PRR23E: variants seen among roughly 807,000 people sequenced by gnomAD.
PRR23E encodes PRR23 family member E.
At chr3:127,193,536 A>G in the PRR23E span, among the ~76,000 whole-genome samples, 1 of 151,832 alleles carries the variant, frequency 6.6e-6, no homozygotes, top group African/African-American at 2.4e-5. Flanking sequence ...AGCCAAGCCC[A>G]GGACCCTCCT....
the PRR23E span, chr3:127,193,382 A>G: frequency 6.6e-6 from 1 of 151,404 alleles, no homozygotes; most frequent in African/African-American, 2.4e-5. Flanking sequence ...CTCCCACCCA[A>G]CTCCTGGCAT....
chr3:127,196,159 G>A, the PRR23E span, among the ~76,000 whole-genome samples: 2 of 152,160 alleles, frequency 1.3e-5, no homozygotes, highest in Non-Finnish European at 2.9e-5. Flanking sequence ...GAAGTGCTCC[G>A]GGACCTGTCT....
the PRR23E span, chr3:127,198,176 A>G: frequency 6.0e-5 from 9 of 150,880 alleles, no homozygotes; most frequent in African/African-American, 2.0e-4. Context: ...AAATGATACT[A>G]TGCTATAAAT....
At chr3:127,197,273 T>G in the PRR23E span, 2 of 1,599,320 alleles carry the variant, frequency 1.3e-6, no homozygotes, top group African/African-American at 1.3e-5. Context: ...GGTTCGGTAT[T>G]TGGGCACCTT....
chr3:127,195,335 G>A, the PRR23E span, among the ~76,000 whole-genome samples: 1 of 152,076 alleles, frequency 6.6e-6, no homozygotes, highest in East Asian at 1.9e-4. Flanking sequence ...CTGATCTAGA[G>A]AGGCTCCTGA....
the PRR23E span, among the ~76,000 whole-genome samples, chr3:127,195,905 G>GA: frequency 6.6e-6 from 1 of 152,136 alleles, no homozygotes; most frequent in Non-Finnish European, 1.5e-5. Context: ...TCGTTTTGGG[G>GA]AAAAACACCT....
the PRR23E span, among the ~76,000 whole-genome samples, chr3:127,193,986 G>A: frequency 6.6e-6 from 1 of 152,222 alleles, no homozygotes; most frequent in African/African-American, 2.4e-5. Context: ...AGCAAGAGCT[G>A]TCTGTATCTG....
At chr3:127,198,011 G>T in the PRR23E span, 2 of 152,236 alleles carry the variant, frequency 1.3e-5, no homozygotes. Flanking sequence ...GTTTGTTCCA[G>T]TGGACACAGA....
At chr3:127,193,952 G>A in the PRR23E span, among the ~76,000 whole-genome samples, 1 of 152,206 alleles carries the variant, frequency 6.6e-6, no homozygotes, top group Non-Finnish European at 1.5e-5. Flanking sequence ...TTGTTGATAA[G>A]GTCTTATTTA....
the PRR23E span, chr3:127,196,617 T>A: frequency 6.7e-7 from 1 of 1,483,592 alleles, no homozygotes; most frequent in Non-Finnish European, 8.9e-7. Context: ...GAGGTGCGTG[T>A]GGCCTCAGCT....
At chr3:127,195,062 C>T in the PRR23E span, among the ~76,000 whole-genome samples, 837 of 152,262 alleles carry the variant, frequency 5.5e-3, 10 homozygotes, top group African/African-American at 0.019. Flanking sequence ...CCTGTCCTCC[C>T]GCGCTGTGGC....
At chr3:127,197,379 C>A in the PRR23E span, 1 of 1,559,302 alleles carries the variant, frequency 6.4e-7, no homozygotes, top group Admixed American at 1.8e-5. Context: ...CTCCCGGTCA[C>A]CCTGCAGGGC....
chr3:127,197,363 C>T, the PRR23E span: 5 of 1,583,910 alleles, frequency 3.2e-6, no homozygotes, highest in Non-Finnish European at 4.3e-6. Context: ...GCTGCTCCCG[C>T]TCCTCCTCCC....
chr3:127,196,642 C>T, the PRR23E span: 2 of 1,528,252 alleles, frequency 1.3e-6, no homozygotes, highest in South Asian at 2.5e-5. Context: ...GAGGAGTGCA[C>T]TTGCCAGACA....
chr3:127,197,355 T>A, the PRR23E span: 6 of 1,589,594 alleles, frequency 3.8e-6, no homozygotes, highest in Admixed American at 1.0e-4. Context: ...GGACCCGGGC[T>A]GCTCCCGCTC....
the PRR23E span, chr3:127,197,123 C>T: frequency 1.4e-5 from 23 of 1,597,628 alleles, no homozygotes; most frequent in Admixed American, 3.3e-5. Flanking sequence ...CCACTCTGGG[C>T]GGGGCCACCT....
the PRR23E span, chr3:127,196,859 G>GA: frequency 6.3e-7 from 1 of 1,599,322 alleles, no homozygotes; most frequent in Non-Finnish European, 8.5e-7. Context: ...TGGCCCTCTG[G>GA]CCTGTCATCT....
At chr3:127,195,897 G>A in the PRR23E span, among the ~76,000 whole-genome samples, 2 of 152,146 alleles carry the variant, frequency 1.3e-5, no homozygotes, top group African/African-American at 2.4e-5. Flanking sequence ...GGGGACCTTC[G>A]TTTTGGGGAA....
the PRR23E span, among the ~76,000 whole-genome samples, chr3:127,193,724 C>G: frequency 2.0e-5 from 3 of 152,238 alleles, no homozygotes; most frequent in Admixed American, 6.5e-5. Context: ...TAGCTGTTTA[C>G]TCTTTACTTA....
Sources: allele counts gnomAD v4.1 joint callset (sites outside exome capture counted in the v4.1 genomes callset), GRCh38; gene constraint gnomAD v4.1.1; transcripts MANE v1.5; gene names NCBI Gene and HGNC (gene_info 2026-07-23, HGNC 2026-07-21).